AUH: variants seen among roughly 807,000 people sequenced by gnomAD.
AUH encodes the protein methylglutaconyl-CoA hydratase, mitochondrial.
In AUH, 29 loss-of-function variants were observed where a neutral mutation model predicts 42.3. The ratio of observed to expected loss-of-function variants is 0.69; its 90% CI spans 0.51 to 0.93. AUH has a LOEUF of 0.93. Ranked by LOEUF, AUH falls within the 40% of genes least tolerant of loss-of-function variation. The pLI, the probability that AUH is intolerant of heterozygous loss-of-function variation, is 0.00. For synonymous variants in AUH, 174 were observed against 166.4 expected (o/e 1.05, Z -0.35); for missense variants, 452 against 438.1 (o/e 1.03, Z -0.28).
Position 91,327,603 on chromosome 9 carries a change from C to T in AUH, c.419-2199G>A, listed in dbSNP as rs116440903. Among the ~76,000 whole-genome samples the T allele has an allele frequency of 2.1e-3, 322 of 152,284 alleles. 1 individual carries two copies. Among genetic ancestry groups the T allele is most frequent in the African/African-American group, 7.2e-3 (301 of 41,554 alleles). On this transcript the variant is annotated intron_variant, in intron 3 of 9. Transcript: ENST00000375731. ...TGCCTTACTCACTCTCTGGTGTCCA[C>T]GCACCTCATTCCTCTTGGTCGCGGG...
At chr9:91,320,956 T>C (rs1829524235) in intron 4 of AUH, among the ~76,000 whole-genome samples, 1 of 152,202 alleles carries the variant, frequency 6.6e-6, no homozygotes, top group Non-Finnish European at 1.5e-5. Flanking sequence ...GATGACAAAT[T>C]ACCAATTTAT....
chr9:91,261,117 C>T (rs1417743171), intron 6 of AUH, among the ~76,000 whole-genome samples: 1 of 152,116 alleles, frequency 6.6e-6, no homozygotes, highest in Admixed American at 6.6e-5. Flanking sequence ...TTTCTACTGA[C>T]TGCTTCTGCT....
intron 6 of AUH, among the ~76,000 whole-genome samples, chr9:91,272,404 T>A (rs1257428002): frequency 6.6e-6 from 1 of 152,216 alleles, no homozygotes; most frequent in Non-Finnish European, 1.5e-5. Context: ...ATCCCGTCAG[T>A]GTCCTGGGCC....
intron 6 of AUH, among the ~76,000 whole-genome samples, chr9:91,291,127 C>T (rs1318812276): frequency 6.6e-6 from 1 of 152,238 alleles, no homozygotes; most frequent in Non-Finnish European, 1.5e-5. Context: ...AGATGTATTA[C>T]TGCACTCTGT....
At chr9:91,333,284 T>C (rs183104072) in intron 3 of AUH, among the ~76,000 whole-genome samples, 70 of 152,344 alleles carry the variant, frequency 4.6e-4, no homozygotes, top group Non-Finnish European at 8.8e-4. Context: ...CTTTCAATTT[T>C]TTTTTTCCTG....
At chr9:91,218,519 G>T in intron 7 of AUH, 2 of 715,540 alleles carry the variant, frequency 2.8e-6, no homozygotes, top group Non-Finnish European at 3.4e-6. Context: ...CAGTGGGTCT[G>T]AGATGGGCCT....
chr9:91,269,685 A>C lies in AUH; in HGVS notation c.655+26336T>G, dbSNP rs1824956573. 2.0e-5 allele frequency among the ~76,000 whole-genome samples: 3 copies of C among 152,218 alleles called. No individual in the cohort carries two copies. The South Asian group carries it at 6.2e-4, about 31-fold the overall frequency. On this transcript the variant is annotated intron_variant, in intron 6 of 9. Transcript: ENST00000375731. Reference sequence around the variant, plus strand: ...AAATTACGAGAAGGAAAAGAGGGATATATTTTGTTCATTTTAATAAAACTA... The same window carrying C: ...AAATTACGAGAAGGAAAAGAGGGATCTATTTTGTTCATTTTAATAAAACTA...
chr9:91,320,647 A>G (rs1050347966), intron 4 of AUH, among the ~76,000 whole-genome samples: 1 of 152,220 alleles, frequency 6.6e-6, no homozygotes, highest in African/African-American at 2.4e-5. Context: ...CTGGTCTATT[A>G]AACTCCTTTA....
Position 91,269,126 on chromosome 9 carries a change from G to A in AUH, c.655+26895C>T, listed in dbSNP as rs572430215. ...CTCCTGAGGAGCTCGGACTACAGGC[G>A]TGCGCCACCATGCCCAGCTAATTTT... On this transcript the variant is annotated intron_variant, in intron 6 of 9. Coordinates refer to ENST00000375731, the MANE Select transcript of AUH (RefSeq NM_001698.3). Among the ~76,000 whole-genome samples the A allele has an allele frequency of 2.2e-4, 33 of 152,224 alleles. No individual in the cohort carries two copies. The South Asian group carries it at 4.8e-3, about 22-fold the overall frequency.
chr9:91,354,193 C>G (rs74587496), intron 3 of AUH, among the ~76,000 whole-genome samples: 82 of 151,850 alleles, frequency 5.4e-4, no homozygotes, highest in African/African-American at 1.9e-3. Context: ...GAAAGGAAAA[C>G]CTTTCGGAGA....
chr9:91,251,989 C>T (rs766676709), intron 6 of AUH, among the ~76,000 whole-genome samples: 18 of 151,760 alleles, frequency 1.2e-4, no homozygotes, highest in East Asian at 1.9e-4. Context: ...TTTTTTGAGA[C>T]GGAGTCTTGC....
At chr9:91,284,900 G>A (rs946781235) in intron 6 of AUH, among the ~76,000 whole-genome samples, 1 of 152,154 alleles carries the variant, frequency 6.6e-6, no homozygotes, top group Non-Finnish European at 1.5e-5. Flanking sequence ...AAGACAGTGT[G>A]GCAATTCCTC....
At chr9:91,321,592 G>C (rs1829577288) in intron 4 of AUH, among the ~76,000 whole-genome samples, 4 of 152,050 alleles carry the variant, frequency 2.6e-5, no homozygotes, top group Admixed American at 2.6e-4. Flanking sequence ...GAGATTTCTT[G>C]AATAAATATA....
intron 6 of AUH, among the ~76,000 whole-genome samples, chr9:91,289,177 G>T (rs376825271): frequency 1.3e-5 from 2 of 152,106 alleles, no homozygotes; most frequent in East Asian, 3.8e-4. Flanking sequence ...ATGAAATCAT[G>T]GACCTGTAAT....
At chr9:91,298,295 T>C (rs191917323) in intron 4 of AUH, among the ~76,000 whole-genome samples, 1 of 152,330 alleles carries the variant, frequency 6.6e-6, no homozygotes, top group Admixed American at 6.5e-5. Context: ...ATGTGCAATA[T>C]CTTTAAATCT....
At chr9:91,278,916 A>C (rs1475042253) in intron 6 of AUH, among the ~76,000 whole-genome samples, 1 of 152,198 alleles carries the variant, frequency 6.6e-6, no homozygotes, top group East Asian at 1.9e-4. Context: ...AGATTCCGTA[A>C]GGGATAATAA....
At chr9:91,253,024 A>T (rs908012164) in intron 6 of AUH, among the ~76,000 whole-genome samples, 4 of 152,232 alleles carry the variant, frequency 2.6e-5, no homozygotes, top group African/African-American at 9.6e-5. Context: ...CTCTTCAGAG[A>T]ATAATTCATC....
intron 4 of AUH, among the ~76,000 whole-genome samples, chr9:91,314,721 T>C (rs78658420): frequency 0.071 from 10,843 of 151,844 alleles, 664 homozygotes; most frequent in East Asian, 0.26. Flanking sequence ...TAGCCGCCAT[T>C]AGGCTTTCTT....
chr9:91,291,682 T>C (rs1303555448), intron 6 of AUH, among the ~76,000 whole-genome samples: 1 of 152,232 alleles, frequency 6.6e-6, no homozygotes, highest in East Asian at 1.9e-4. Flanking sequence ...AATTTCACTG[T>C]AACCTATGTT....
Sources: allele counts gnomAD v4.1 joint callset (sites outside exome capture counted in the v4.1 genomes callset), GRCh38; gene constraint gnomAD v4.1.1; transcripts MANE v1.5; gene names NCBI Gene and HGNC (gene_info 2026-07-23, HGNC 2026-07-21).